ZSWIM6: variants seen among roughly 807,000 people sequenced by gnomAD.
ZSWIM6 encodes zinc finger SWIM-type containing 6.
A neutral mutation model predicts 113.2 loss-of-function variants in ZSWIM6; 9 were observed. That is an observed-to-expected ratio of 0.08 (90% confidence interval 0.05 to 0.14). The LOEUF (loss-of-function observed/expected upper bound fraction) is 0.14, where lower values mean the gene tolerates loss of function less well. Ranked by LOEUF, ZSWIM6 falls within the 10% of genes least tolerant of loss-of-function variation. The pLI is 1.00. For missense variants in ZSWIM6, 1,162 were observed against 1,552.2 expected (o/e 0.75, Z 4.22); for synonymous variants, 611 against 606.5 (o/e 1.01, Z -0.11).
chr5:61,424,835 C>A (rs1336813235), intron 1 of ZSWIM6, among the ~76,000 whole-genome samples: 1 of 150,178 alleles, frequency 6.7e-6, no homozygotes, highest in Non-Finnish European at 1.5e-5. Flanking sequence ...TCCAGCAATT[C>A]TCCTGCCTCA....
intron 2 of ZSWIM6, among the ~76,000 whole-genome samples, chr5:61,489,507 G>C (rs1748123406): frequency 6.6e-6 from 1 of 152,002 alleles, no homozygotes; most frequent in Admixed American, 6.6e-5. Context: ...AAATGAAATA[G>C]AGTAGAAAAT....
intron 1 of ZSWIM6, among the ~76,000 whole-genome samples, chr5:61,338,114 G>A (rs942358721): frequency 6.6e-6 from 1 of 151,062 alleles, no homozygotes; most frequent in Non-Finnish European, 1.5e-5. Flanking sequence ...TAACATTCTG[G>A]TAAACACATT....
intron 1 of ZSWIM6, among the ~76,000 whole-genome samples, chr5:61,350,926 A>G (rs973011337): frequency 6.6e-6 from 1 of 152,224 alleles, no homozygotes; most frequent in Non-Finnish European, 1.5e-5. Flanking sequence ...ATTGTTACAC[A>G]TCACTCCAGT....
chr5:61,432,355 AAG>A (rs1746603170), intron 1 of ZSWIM6, among the ~76,000 whole-genome samples: 1 of 152,238 alleles, frequency 6.6e-6, no homozygotes, highest in Non-Finnish European at 1.5e-5. Context: ...TGTTAAAAGA[AAG>A]AGAGAAAGAA....
intron 4 of ZSWIM6, among the ~76,000 whole-genome samples, chr5:61,510,977 A>G (rs541097641): frequency 6.6e-6 from 1 of 152,230 alleles, no homozygotes; most frequent in East Asian, 1.9e-4. Flanking sequence ...TAAAGCTACA[A>G]ATGTTTCAGG....
chr5:61,433,002 C>T (rs1218390866), intron 1 of ZSWIM6, among the ~76,000 whole-genome samples: 1 of 151,900 alleles, frequency 6.6e-6, no homozygotes, highest in African/African-American at 2.4e-5. Flanking sequence ...TAAATTTTTT[C>T]TTCTTCGGAA....
At chr5:61,468,452 T>C (rs1310095018) in intron 1 of ZSWIM6, among the ~76,000 whole-genome samples, 4 of 152,258 alleles carry the variant, frequency 2.6e-5, no homozygotes, top group Non-Finnish European at 5.9e-5. Context: ...TATGTTTTAG[T>C]TCTACAGTTA....
chr5:61,384,786 G>A (rs1004073692), intron 1 of ZSWIM6, among the ~76,000 whole-genome samples: 2 of 152,044 alleles, frequency 1.3e-5, no homozygotes, highest in African/African-American at 4.8e-5. Flanking sequence ...GGCCGGGCGC[G>A]GTGGGTCACA....
intron 1 of ZSWIM6, among the ~76,000 whole-genome samples, chr5:61,363,933 T>G (rs1011730935): frequency 2.0e-5 from 3 of 146,404 alleles, no homozygotes; most frequent in Non-Finnish European, 4.5e-5. Flanking sequence ...CCCTCCCTCT[T>G]TCTTTCTTTT....
In ZSWIM6 at chr5:61,529,476, A is replaced by G. The variant is rs552275500; in HGVS notation, c.1838-576A>G. On this transcript the variant is annotated intron_variant, in intron 7 of 13. Transcript: ENST00000252744. ...CAGATTCACACTAAGGAAGATTTTCATAAGGTGATGGGGGTAATTTAAGGA... is the reference window on the plus strand; with the variant it reads ...CAGATTCACACTAAGGAAGATTTTCGTAAGGTGATGGGGGTAATTTAAGGA... 7.2e-5 allele frequency among the ~76,000 whole-genome samples: 11 copies of G among 152,342 alleles called. No homozygotes were observed. The East Asian group carries it at 2.1e-3, about 29-fold the overall frequency.
chr5:61,497,109 A>G (rs1013105014), intron 4 of ZSWIM6, among the ~76,000 whole-genome samples: 8 of 150,450 alleles, frequency 5.3e-5, no homozygotes, highest in Admixed American at 4.0e-4. Context: ...ACACCAGGAA[A>G]AAAAAAAAAA....
Position 61,488,781 on chromosome 5 carries a change from AT to A in ZSWIM6, c.1034-1995del, listed in dbSNP as rs538904241. 7.6e-5 allele frequency among the ~76,000 whole-genome samples: 11 copies of A among 144,628 alleles called. No homozygotes were observed. In the East Asian group the frequency reaches 8.1e-4, roughly 11 times the overall value. The allele number at this position is 144,628 out of a possible 152,430, so 94.9% of individuals were successfully genotyped here. On this transcript the variant is annotated intron_variant, in intron 2 of 13. Transcript: ENST00000252744. ...ACTGTGTATACTTTTATTCTCCTTG[AT>A]TTTTTTTTTCAATCAACAGTATGTC...
chr5:61,404,976 T>G (rs1746017081), intron 1 of ZSWIM6, among the ~76,000 whole-genome samples: 2 of 152,172 alleles, frequency 1.3e-5, no homozygotes, highest in African/African-American at 4.8e-5. Context: ...GTCAGGGTCC[T>G]AAGTTATAGG....
At chr5:61,531,327 T>TA (rs1413948331) in intron 8 of ZSWIM6, 138 bp from the exon 9 acceptor site, 12 of 1,074,688 alleles carry the variant, frequency 1.1e-5, no homozygotes, top group Non-Finnish European at 1.5e-5. Flanking sequence ...CACTTTAGCC[T>TA]AAAAAACATG....
intron 1 of ZSWIM6, among the ~76,000 whole-genome samples, chr5:61,337,954 G>T (rs908683918): frequency 2.6e-5 from 4 of 151,892 alleles, no homozygotes; most frequent in Non-Finnish European, 5.9e-5. Flanking sequence ...TATTGTTTTG[G>T]TGTGTTCGCA....
chr5:61,441,771 T>C (rs1044087032), intron 1 of ZSWIM6, among the ~76,000 whole-genome samples: 3 of 152,186 alleles, frequency 2.0e-5, no homozygotes, highest in Non-Finnish European at 2.9e-5. Context: ...ACTGCAATTA[T>C]GGTTTAGCGA....
intron 1 of ZSWIM6, among the ~76,000 whole-genome samples, chr5:61,406,994 T>C (rs1220775873): frequency 6.6e-6 from 1 of 152,212 alleles, no homozygotes; most frequent in Admixed American, 6.5e-5. Context: ...ATTACAGGCG[T>C]GAGCCATTGC....
At chr5:61,438,035 G>C (rs775906342) in intron 1 of ZSWIM6, among the ~76,000 whole-genome samples, 1 of 152,080 alleles carries the variant, frequency 6.6e-6, no homozygotes, top group Non-Finnish European at 1.5e-5. Context: ...GAAGGTTCAT[G>C]AACAAAATCA....
At chr5:61,527,081 A>T (rs1164342455) in intron 7 of ZSWIM6, among the ~76,000 whole-genome samples, 1 of 152,220 alleles carries the variant, frequency 6.6e-6, no homozygotes, top group African/African-American at 2.4e-5. Context: ...GAACACATTT[A>T]ACTTCTCTTT....
Sources: gnomAD v4.1 joint callset for allele counts (sites outside exome capture counted in the v4.1 genomes callset) on GRCh38, gnomAD v4.1.1 for gene constraint, MANE v1.5 for transcripts, NCBI Gene and HGNC (gene_info 2026-07-23, HGNC 2026-07-21) for gene names.